The following TRMT11 variants were observed in gnomAD, a reference collection of about 807,000 sequenced individuals.
TRMT11 encodes tRNA methyltransferase 11, also known as tRNA (guanine(10)-N(2))-methyltransferase TRMT11.
A neutral mutation model predicts 62.8 loss-of-function variants in TRMT11; 53 were observed. That is an observed-to-expected ratio of 0.84 (90% CI 0.68 to 1.06). The LOEUF (loss-of-function observed/expected upper bound fraction) is 1.06, where lower values mean the gene tolerates loss of function less well. Ranked by LOEUF, TRMT11 falls within the 50% of genes least tolerant of loss-of-function variation. The pLI, the probability that TRMT11 is intolerant of heterozygous loss-of-function variation, is 0.00. For synonymous variants in TRMT11, 188 were observed against 190.3 expected (o/e 0.99, Z 0.10); for missense variants, 556 against 553.4 (o/e 1.00, Z -0.05).
At chr6:126,012,895 G>A (rs2206941) in intron 10 of TRMT11, 43 bp downstream of exon 10, 1,078,547 of 1,608,230 alleles carry the variant, frequency 0.67, 366,234 homozygotes, top group East Asian at 0.95. Context: ...CTTGAGAAGA[G>A]GCATGTGGCT....
chr6:126,078,139 AAG>A (rs1487627915), intron 17 of TRMT11, among the ~76,000 whole-genome samples: 1 of 152,166 alleles, frequency 6.6e-6, no homozygotes, highest in Non-Finnish European at 1.5e-5. Flanking sequence ...ATTCTTATAA[AAG>A]AGACCTCTGA....
chr6:126,083,847 A>G (rs1777186384), intron 17 of TRMT11, among the ~76,000 whole-genome samples: 1 of 152,136 alleles, frequency 6.6e-6, no homozygotes, highest in Non-Finnish European at 1.5e-5. Context: ...AAAATATTGC[A>G]CATATAAGAG....
the TRMT11 span, among the ~76,000 whole-genome samples, chr6:126,217,636 G>C: frequency 6.6e-6 from 1 of 152,182 alleles, no homozygotes; most frequent in African/African-American, 2.4e-5. Flanking sequence ...AGCTGGGGGA[G>C]GGGTGACACA....
intron 11 of TRMT11, among the ~76,000 whole-genome samples, chr6:126,016,279 A>G (rs922718732): frequency 6.6e-6 from 1 of 152,086 alleles, no homozygotes; most frequent in Admixed American, 6.6e-5. Flanking sequence ...ATGGATTCCT[A>G]TATTATTCAT....
the TRMT11 span, among the ~76,000 whole-genome samples, chr6:126,265,313 AT>A: frequency 1.3e-5 from 2 of 152,064 alleles, no homozygotes; most frequent in African/African-American, 4.8e-5. Flanking sequence ...CTATAGTATT[AT>A]TTTTGCTGTA....
the TRMT11 span, among the ~76,000 whole-genome samples, chr6:126,233,178 C>G: frequency 6.6e-6 from 1 of 152,174 alleles, no homozygotes; most frequent in Non-Finnish European, 1.5e-5. Flanking sequence ...ATCTGTGCCT[C>G]AGTTTCCTCA....
At chr6:126,221,540 G>C in the TRMT11 span, among the ~76,000 whole-genome samples, 21 of 152,218 alleles carry the variant, frequency 1.4e-4, no homozygotes, top group African/African-American at 4.6e-4. Context: ...TATGTTTGTT[G>C]GATGTGTATA....
chr6:126,005,017 A>G (rs988263729), intron 7 of TRMT11, among the ~76,000 whole-genome samples: 1 of 152,064 alleles, frequency 6.6e-6, no homozygotes, highest in African/African-American at 2.4e-5. Context: ...ACTTTCCCAA[A>G]GGGGAAGAGA....
At chr6:126,087,374 T>A (rs1462340143) in intron 17 of TRMT11, among the ~76,000 whole-genome samples, 1 of 152,186 alleles carries the variant, frequency 6.6e-6, no homozygotes, top group East Asian at 1.9e-4. Context: ...TTAAAGTAAG[T>A]ACTGCCAACA....
the TRMT11 span, among the ~76,000 whole-genome samples, chr6:126,271,417 G>C: frequency 6.8e-6 from 1 of 148,128 alleles, no homozygotes; most frequent in African/African-American, 2.5e-5. Flanking sequence ...GAAATCTGAG[G>C]GCAAAACTGA....
At chr6:125,986,960 G>T (rs1789743076) in intron 1 of TRMT11, 5 of 308,340 alleles carry the variant, frequency 1.6e-5, no homozygotes, top group Non-Finnish European at 3.0e-5. Context: ...TCAGGCTGGT[G>T]TTTGAAGTAT....
chr6:126,122,561 G>A (rs1393345000), intron 21 of TRMT11, among the ~76,000 whole-genome samples: 1 of 152,126 alleles, frequency 6.6e-6, no homozygotes, highest in Non-Finnish European at 1.5e-5. Flanking sequence ...AGAGAGGGCT[G>A]TGCCCCACAC....
chr6:126,222,846 T>C, the TRMT11 span, among the ~76,000 whole-genome samples: 1 of 151,534 alleles, frequency 6.6e-6, no homozygotes, highest in Non-Finnish European at 1.5e-5. Flanking sequence ...GTAATATGTG[T>C]GGATTTGATC....
chr6:126,089,342 G>C (rs915497152), intron 17 of TRMT11, among the ~76,000 whole-genome samples: 1 of 152,148 alleles, frequency 6.6e-6, no homozygotes, highest in Non-Finnish European at 1.5e-5. Context: ...TTGAACTCCT[G>C]ACCTCGGGAT....
At chr6:126,067,373 A>T (rs1776724429) in intron 17 of TRMT11, among the ~76,000 whole-genome samples, 1 of 152,188 alleles carries the variant, frequency 6.6e-6, no homozygotes, top group Admixed American at 6.5e-5. Flanking sequence ...TGTAAGCAAT[A>T]TCTTGACTTT....
the TRMT11 span, among the ~76,000 whole-genome samples, chr6:126,268,297 CTG>C: frequency 6.6e-6 from 1 of 152,146 alleles, no homozygotes; most frequent in African/African-American, 2.4e-5. Context: ...ATAAATCAGA[CTG>C]TGCAGAGCAG....
At chr6:126,197,063 A>G (rs1028690115) in intron 1 of TRMT11, among the ~76,000 whole-genome samples, 1 of 152,208 alleles carries the variant, frequency 6.6e-6, no homozygotes, top group Non-Finnish European at 1.5e-5. Context: ...TAAAGCATTC[A>G]TCTATCATCT....
intron 17 of TRMT11, among the ~76,000 whole-genome samples, chr6:126,084,187 G>A (rs1392548032): frequency 1.3e-5 from 2 of 152,042 alleles, no homozygotes; most frequent in African/African-American, 2.4e-5. Flanking sequence ...CATAATGACT[G>A]TACCAATCTA....
chr6:126,143,565 T>C (rs968144153), intron 21 of TRMT11, among the ~76,000 whole-genome samples: 2 of 152,156 alleles, frequency 1.3e-5, no homozygotes, highest in African/African-American at 4.8e-5. Context: ...ATTGTCTCTG[T>C]TATTGTCATT....
Sources: gnomAD v4.1 joint callset for allele counts (sites outside exome capture counted in the v4.1 genomes callset) on GRCh38, gnomAD v4.1.1 for gene constraint, MANE v1.5 for transcripts, NCBI Gene and HGNC (gene_info 2026-07-23, HGNC 2026-07-21) for gene names.